Variants in TLR6 observed in about 807,000 individuals in gnomAD.
The protein encoded by TLR6 is toll like receptor 6.
Under a neutral mutation model 16.1 loss-of-function variants are expected in TLR6, and 9 were observed. That is an observed-to-expected ratio of 0.56 (90% CI 0.34 to 0.98). TLR6 has a LOEUF of 0.98. TLR6 is among the 50% of genes least tolerant of loss of function. The pLI, the probability that TLR6 is intolerant of heterozygous loss-of-function variation, is 0.02. For missense variants in TLR6, 786 were observed against 921.0 expected (o/e 0.85, Z 1.90); for synonymous variants, 340 against 338.6 (o/e 1.00, Z -0.04).
rs145137758 is a variant in TLR6, at chr4:38,840,808, T to C, written c.-64-11271A>G. ...CATTTAACAGGAATGCTCATGTTGG[T>C]GTAAATATGTAAATAGAAGCAGAGA... On this transcript the variant is annotated intron_variant, in intron 1 of 1. Transcript: ENST00000436693. Among the ~76,000 whole-genome samples the C allele has an allele frequency of 4.3e-3, 649 of 152,230 alleles. 6 individuals carry two copies. The highest frequency in any genetic ancestry group is 0.014 in the African/African-American group (598 of 41,528).
upstream of TLR6, among the ~76,000 whole-genome samples, chr4:38,860,988 A>G (rs1466475406): frequency 6.6e-6 from 1 of 150,882 alleles, no homozygotes; most frequent in Non-Finnish European, 1.5e-5. Context: ...CATGAAAATC[A>G]GGGGACTGAG....
chr4:38,830,842 T>C (rs1711538743), intron 1 of TLR6, among the ~76,000 whole-genome samples: 1 of 152,172 alleles, frequency 6.6e-6, no homozygotes, highest in South Asian at 2.1e-4. Flanking sequence ...AAATAATCAC[T>C]AGCCCCCAGA....
At chr4:38,831,472 G>T (rs149801444) in intron 1 of TLR6, among the ~76,000 whole-genome samples, 3 of 152,026 alleles carry the variant, frequency 2.0e-5, no homozygotes, top group Non-Finnish European at 4.4e-5. Flanking sequence ...TTTGAGATAC[G>T]CATCAAAAAC....
At chr4:38,847,385 T>C (rs1712573941) in intron 1 of TLR6, among the ~76,000 whole-genome samples, 1 of 152,138 alleles carries the variant, frequency 6.6e-6, no homozygotes, top group African/African-American at 2.4e-5. Flanking sequence ...GATTTCTGCA[T>C]TTCCAGCTGA....
chr4:38,854,821 C>A (rs7683072), intron 1 of TLR6, among the ~76,000 whole-genome samples: 1,802 of 152,050 alleles, frequency 0.012, 38 homozygotes, highest in African/African-American at 0.041. Flanking sequence ...ATCAGAATGT[C>A]TAGTGTAGAA....
chr4:38,827,924 C>T, exon 2 of TLR6: 2 of 1,614,148 alleles, frequency 1.2e-6, no homozygotes, highest in Non-Finnish European at 1.7e-6. Flanking sequence ...CTTCTGGCAG[C>T]TCTGGAAGAA....
chr4:38,864,542 C>T, the TLR6 span, among the ~76,000 whole-genome samples: 1 of 152,098 alleles, frequency 6.6e-6, no homozygotes, highest in Admixed American at 6.5e-5. Context: ...ATATTCATGC[C>T]CTCCTATGAA....
exon 2 of TLR6, chr4:38,827,006 G>T: frequency 8.5e-7 from 1 of 1,173,960 alleles, no homozygotes; most frequent in Non-Finnish European, 1.2e-6. Flanking sequence ...GGCACCTCCA[G>T]ACAGTTACTT....
intron 1 of TLR6, among the ~76,000 whole-genome samples, chr4:38,854,441 T>C (rs1338596557): frequency 6.6e-6 from 1 of 152,202 alleles, no homozygotes; most frequent in African/African-American, 2.4e-5. Flanking sequence ...AGAATGCCTG[T>C]TATTTTTACT....
chr4:38,828,736 G>A (rs774247044), exon 2 of TLR6: 3 of 1,613,708 alleles, frequency 1.9e-6, no homozygotes, highest in Non-Finnish European at 2.5e-6. Context: ...TTGAACCTCT[G>A]GTGAGTTCTG....
chr4:38,848,022 G>A (rs1712605426), intron 1 of TLR6, among the ~76,000 whole-genome samples: 1 of 152,250 alleles, frequency 6.6e-6, no homozygotes, highest in Admixed American at 6.5e-5. Flanking sequence ...GCCTAACTGG[G>A]AGGCACCCCC....
chr4:38,840,777 T>C (rs1020839359), intron 1 of TLR6, among the ~76,000 whole-genome samples: 1 of 152,138 alleles, frequency 6.6e-6, no homozygotes, highest in Non-Finnish European at 1.5e-5. Context: ...GCACTGAAGA[T>C]GAGAACATTT....
At chr4:38,823,519 A>G (rs1209439062), downstream of TLR6, among the ~76,000 whole-genome samples, 1 of 152,118 alleles carries the variant, frequency 6.6e-6, no homozygotes. Context: ...TCATCTTACT[A>G]CGGGATCTAT....
At chr4:38,824,167 T>C (rs1312801381) in exon 2 of TLR6, 1 of 152,186 alleles carries the variant, frequency 6.6e-6, no homozygotes, top group African/African-American at 2.4e-5. Flanking sequence ...CAGAGTCATT[T>C]GCTCATCCCA....
chr4:38,850,215 GAC>G (rs1270951680), intron 1 of TLR6, among the ~76,000 whole-genome samples: 1 of 152,162 alleles, frequency 6.6e-6, no homozygotes, highest in Non-Finnish European at 1.5e-5. Context: ...CAATCTCAGG[GAC>G]ACAGTTAAAG....
At chr4:38,862,590 ATTT>A in the TLR6 span, among the ~76,000 whole-genome samples, 6 of 73,712 alleles carry the variant, frequency 8.1e-5, no homozygotes, top group African/African-American at 3.1e-4. Context: ...CCCAATCACC[ATTT>A]TTTTTTTTTT....
chr4:38,857,967 G>A (rs1187647055), upstream of TLR6, among the ~76,000 whole-genome samples: 2 of 152,206 alleles, frequency 1.3e-5, no homozygotes, highest in African/African-American at 2.4e-5. Context: ...TCAAGTAACC[G>A]TGGACTAAAG....
At chr4:38,838,430 T>A (rs1579248919) in intron 1 of TLR6, among the ~76,000 whole-genome samples, 1 of 152,192 alleles carries the variant, frequency 6.6e-6, no homozygotes, top group African/African-American at 2.4e-5. Flanking sequence ...AATAATTAAA[T>A]CCTGTCATTT....
the TLR6 span, among the ~76,000 whole-genome samples, chr4:38,864,464 A>G: frequency 2.0e-5 from 3 of 152,366 alleles, no homozygotes; most frequent in Admixed American, 1.3e-4. Flanking sequence ...TGGCAATTGT[A>G]GCATTATATG....
Sources: allele counts gnomAD v4.1 joint callset (sites outside exome capture counted in the v4.1 genomes callset), GRCh38; gene constraint gnomAD v4.1.1; transcripts MANE v1.5; gene names NCBI Gene and HGNC (gene_info 2026-07-23, HGNC 2026-07-21).